PNISR: variants seen among roughly 807,000 people sequenced by gnomAD.
The protein encoded by PNISR is arginine/serine-rich protein PNISR.
PNISR carries 20 observed loss-of-function variants against 93.4 expected under a neutral mutation model. That is an observed-to-expected ratio of 0.21 (90% CI 0.15 to 0.31). PNISR has a LOEUF of 0.31. Among genes scored for constraint, PNISR ranks in the 10% least tolerant of loss-of-function variants. PNISR has a pLI of 1.00. For missense variants in PNISR, 893 were observed against 985.4 expected (o/e 0.91, Z 1.25); for synonymous variants, 305 against 306.5 (o/e 0.99, Z 0.05).
chr6:99,409,056 G>A, intron 6 of PNISR, 117 bp downstream of exon 6: 1 of 750,830 alleles, frequency 1.3e-6, no homozygotes, highest in Non-Finnish European at 2.2e-6. Flanking sequence ...AAAAAATAAA[G>A]TGTCAATTCC....
At position 99,401,139 on chromosome 6, in the gene PNISR, G is replaced by C; in HGVS notation, c.1819C>G (p.Arg607Gly). 1 of 1,613,568 alleles carries C rather than the reference G, an allele frequency of 6.2e-7. No individual in the cohort carries two copies. The highest frequency in any genetic ancestry group is 2.2e-5 in the East Asian group (1 of 44,864). The change falls in exon 12 of 12, where the codon CGA becomes GGA. Residue 607 changes from arginine to glycine, a missense_variant. Arg to Gly is a moderately radical substitution (Grantham distance 125). This residue lies in a region of PNISR where 866 missense variants were observed against 935.1 expected (regional missense o/e 0.93). Transcript: ENST00000369239. ...SNRNSIERER[R>G]RNRSPSRERR... ...TCTCGGGAAGGACTCCGATTTCGTCGTCTTTCTCTTTCAATGCTATTTCTA... is the reference window on the plus strand; with the variant it reads ...TCTCGGGAAGGACTCCGATTTCGTCCTCTTTCTCTTTCAATGCTATTTCTA...
intron 1 of PNISR, chr6:99,424,910 C>A (rs1051737002): frequency 1.2e-5 from 3 of 258,132 alleles, no homozygotes; most frequent in Admixed American, 1.1e-4. Flanking sequence ...GTTCCCACTG[C>A]GCACGCGCAG....
chr6:99,410,680 C>T, intron 5 of PNISR, 61 bp downstream of exon 5: 1 of 1,190,244 alleles, frequency 8.4e-7, no homozygotes, highest in African/African-American at 1.5e-5. Flanking sequence ...CTTGATGAGA[C>T]ACTTCCAAAG....
intron 1 of PNISR, among the ~76,000 whole-genome samples, chr6:99,419,427 T>C (rs1270776942): frequency 6.6e-6 from 1 of 152,112 alleles, no homozygotes; most frequent in African/African-American, 2.4e-5. Context: ...ATGAATAAGG[T>C]AGACTGCTAC....
At chr6:99,410,575 AAATTCT>A in intron 5 of PNISR, 160 bp downstream of exon 5, 1 of 538,248 alleles carries the variant, frequency 1.9e-6, no homozygotes, top group Non-Finnish European at 3.3e-6. Context: ...ATCAGAAAAC[AAATTCT>A]AATTATTTTA....
chr6:99,408,386 C>T (rs1000551333), intron 6 of PNISR, 115 bp from the exon 7 acceptor site: 2 of 681,496 alleles, frequency 2.9e-6, no homozygotes, highest in Admixed American at 2.8e-5. Context: ...AATGCCATCA[C>T]TTTTAGTAAC....
At chr6:99,401,977 AC>A (rs1277968917) in intron 11 of PNISR, among the ~76,000 whole-genome samples, 4 of 152,202 alleles carry the variant, frequency 2.6e-5, no homozygotes. Context: ...TAGTTACGTT[AC>A]CCTCCTGGAC....
chr6:99,400,632 G>GCTTCTTAGC lies in PNISR; in HGVS notation c.2317_2325dup (p.Ala773_Lys775dup). On this transcript the variant is annotated inframe_insertion, in exon 12 of 12. Transcript: ENST00000369239. The stretch of plus-strand genomic sequence containing the variant: ...ACGGATCGCGATCGACTATGTTTAG[G>GCTTCTTAGC]CTTCTTAGCCTTCTTTTCTTTGCTA... The GCTTCTTAGC allele has an allele frequency of 1.9e-6, 3 of 1,613,988 alleles. No individual in the cohort carries two copies. Among genetic ancestry groups the GCTTCTTAGC allele is most frequent in the Non-Finnish European group, 2.5e-6 (3 of 1,179,966 alleles).
intron 1 of PNISR, among the ~76,000 whole-genome samples, chr6:99,419,421 A>G (rs1440363720): frequency 6.6e-6 from 1 of 152,172 alleles, no homozygotes; most frequent in African/African-American, 2.4e-5. Flanking sequence ...ATTAAAATGA[A>G]TAAGGTAGAC....
intron 3 of PNISR, among the ~76,000 whole-genome samples, chr6:99,413,332 C>T (rs1777209100): frequency 6.6e-6 from 1 of 152,130 alleles, no homozygotes; most frequent in Non-Finnish European, 1.5e-5. Context: ...CATTTCCCCA[C>T]TATCTTGAAG....
chr6:99,413,964 A>T (rs535144935), intron 3 of PNISR, among the ~76,000 whole-genome samples: 1 of 152,364 alleles, frequency 6.6e-6, no homozygotes, highest in Non-Finnish European at 1.5e-5. Flanking sequence ...TTTAAATAAC[A>T]AAACACCCAA....
At chr6:99,414,879 C>G (rs1777464516) in intron 2 of PNISR, 189 bp from the exon 3 acceptor site, 3 of 346,224 alleles carry the variant, frequency 8.7e-6, no homozygotes, top group South Asian at 1.9e-4. Flanking sequence ...TAATGCTGGT[C>G]TCAGAATTTG....
intron 9 of PNISR, chr6:99,404,216 G>A (rs1013043353): frequency 1.1e-4 from 39 of 367,248 alleles, no homozygotes; most frequent in African/African-American, 6.9e-4. Flanking sequence ...ACTTGCTTCT[G>A]TAAGAGATAA....
At chr6:99,409,052 T>TA (rs1329653466) in intron 6 of PNISR, 121 bp downstream of exon 6, 7 of 734,326 alleles carry the variant, frequency 9.5e-6, no homozygotes, top group Non-Finnish European at 1.6e-5. Context: ...CCATAAAAAA[T>TA]AAAGTGTCAA....
In PNISR at chr6:99,401,026, A is replaced by T; in HGVS notation, c.1932T>A (p.Asp644Glu). 2 of 1,613,448 alleles carry T rather than the reference A, an allele frequency of 1.2e-6. No homozygotes were observed. The highest frequency in any genetic ancestry group is 1.7e-6 in the Non-Finnish European group (2 of 1,179,906). The change falls in exon 12 of 12, where the codon GAT becomes GAA. Residue 644 changes from aspartate to glutamate, a missense_variant. Asp to Glu is a conservative substitution (Grantham distance 45, BLOSUM62 2). Around this residue, in one of 3 missense-constraint regions of PNISR, gnomAD observed 866 missense variants for 935.1 expected, o/e 0.93. Transcript: ENST00000369239. ...SRSRDRRKIDDQRGNLSGNSH... is the reference protein window; with the variant it reads ...SRSRDRRKIDEQRGNLSGNSH... ...TGTTCCCACTAAGATTTCCACGTTG[A>T]TCATCAATTTTACGCCTATCTCGAC...
chr6:99,417,124 TTC>T (rs1777804455), intron 1 of PNISR, among the ~76,000 whole-genome samples: 1 of 152,234 alleles, frequency 6.6e-6, no homozygotes, highest in Admixed American at 6.5e-5. Flanking sequence ...TGCATAATTT[TTC>T]TGTCTTAAGT....
intron 2 of PNISR, chr6:99,415,221 A>T (rs1729479260): frequency 6.6e-6 from 1 of 152,248 alleles, no homozygotes; most frequent in Admixed American, 6.5e-5. Flanking sequence ...AGGTTGCCAA[A>T]ATATCACCCC....
Position 99,410,936 on chromosome 6 carries a change from G to A in PNISR, c.306C>T (p.His102=), listed in dbSNP as rs1402113059. 2 of 1,613,868 alleles carry A rather than the reference G, an allele frequency of 1.2e-6. No homozygotes were observed. Among genetic ancestry groups the A allele is most frequent in the African/African-American group, 1.3e-5 (1 of 75,016 alleles). ...GCATCCATGGCTGATCTGGAGGGGG[G>A]TGTGGGGGTTGCTGATGCATTCCCC... is the stretch of plus-strand genomic sequence containing the variant. ...PEWGMHQQPP[H]PPPDQPWMPP... The change falls in exon 5 of 12, where the codon CAC becomes CAT. Residue 102 remains histidine, a synonymous_variant. Coordinates refer to ENST00000369239, the MANE Select transcript of PNISR (RefSeq NM_032870.4).
At position 99,410,973 on chromosome 6, in the gene PNISR, G is replaced by C; in HGVS notation, c.278-9C>G. 1 of 1,595,630 alleles carries C rather than the reference G, an allele frequency of 6.3e-7. No individual in the cohort carries two copies. ...CTGATGCATTCCCCATTCTATTTAA[G>C]ATTTAGGCATAAAAACATTCAACAG... On this transcript the variant is annotated splice_polypyrimidine_tract_variant and intron_variant, in intron 4 of 11. Transcript: ENST00000369239.
Sources: gnomAD v4.1 joint callset for allele counts (sites outside exome capture counted in the v4.1 genomes callset) on GRCh38, gnomAD v4.1.1 for gene constraint, gnomAD v4.1.1 regional missense constraint, MANE v1.5 for transcripts, NCBI Gene and HGNC (gene_info 2026-07-23, HGNC 2026-07-21) for gene names.